MECOM: variants seen among roughly 807,000 people sequenced by gnomAD.
MECOM encodes MDS1 and EVI1 complex locus.
MECOM carries 13 observed loss-of-function variants against 116.3 expected under a neutral mutation model. The ratio of observed to expected loss-of-function variants is 0.11; its 90% confidence interval spans 0.07 to 0.18. The LOEUF (loss-of-function observed/expected upper bound fraction) is 0.18. MECOM is among the 10% of genes least tolerant of loss of function. The pLI is 1.00. For missense variants in MECOM, 1,299 were observed against 1,509.0 expected (o/e 0.86, Z 2.31); for synonymous variants, 528 against 535.2 (o/e 0.99, Z 0.19).
chr3:169,393,352 A>G (rs552299411), intron 1 of MECOM, among the ~76,000 whole-genome samples: 2 of 152,246 alleles, frequency 1.3e-5, no homozygotes, highest in Admixed American at 1.3e-4. Context: ...GGTGTCTTAC[A>G]CTACCCACCA....
At chr3:169,659,072 C>CAAAAAAA (rs199570807) in intron 1 of MECOM, among the ~76,000 whole-genome samples, 1 of 83,542 alleles carries the variant, frequency 1.2e-5, no homozygotes, top group East Asian at 3.6e-4. Flanking sequence ...CCTTCAACTC[C>CAAAAAAA]AAAAAAAAAA....
At chr3:169,104,029 T>C (rs1291134672) in intron 10 of MECOM, among the ~76,000 whole-genome samples, 1 of 152,194 alleles carries the variant, frequency 6.6e-6, no homozygotes, top group Non-Finnish European at 1.5e-5. Context: ...AAAGTCAAGA[T>C]ACATTTACTT....
At chr3:169,204,553 T>A (rs1749649189) in intron 2 of MECOM, among the ~76,000 whole-genome samples, 1 of 152,202 alleles carries the variant, frequency 6.6e-6, no homozygotes, top group Non-Finnish European at 1.5e-5. Context: ...TGTCTCTTAA[T>A]CTATAGTAGA....
intron 1 of MECOM, among the ~76,000 whole-genome samples, chr3:169,579,407 A>G (rs1764860847): frequency 6.6e-6 from 1 of 152,132 alleles, no homozygotes; most frequent in Non-Finnish European, 1.5e-5. Flanking sequence ...TTTAGGCCTC[A>G]TCTCATCTCT....
chr3:169,225,706 T>C (rs1002978602), intron 2 of MECOM, among the ~76,000 whole-genome samples: 1 of 152,150 alleles, frequency 6.6e-6, no homozygotes, highest in Non-Finnish European at 1.5e-5. Context: ...GCCTCCTGGG[T>C]TCAAGTGATT....
chr3:169,544,971 G>A (rs1046368217), intron 1 of MECOM, among the ~76,000 whole-genome samples: 11 of 151,984 alleles, frequency 7.2e-5, no homozygotes, highest in African/African-American at 2.7e-4. Context: ...AAACCACCAT[G>A]GCACATGTAT....
At position 169,214,932 on chromosome 3, in the gene MECOM, A is replaced by C. The variant is rs186546165; in HGVS notation, c.376-71100T>G. Among the ~76,000 whole-genome samples the C allele has an allele frequency of 3.4e-4, 51 of 148,578 alleles. No individual in the cohort carries two copies. The East Asian group carries it at 8.2e-3, about 24-fold the overall frequency. On this transcript the variant is annotated intron_variant, in intron 2 of 16. Coordinates refer to ENST00000651503, the MANE Select transcript of MECOM (RefSeq NM_004991.4). ...TAAATATATATACATATATATACAC[A>C]CATATATATAATGTGAATACCCTCT...
intron 1 of MECOM, among the ~76,000 whole-genome samples, chr3:169,475,933 A>G (rs1225145594): frequency 2.0e-5 from 3 of 152,218 alleles, no homozygotes; most frequent in African/African-American, 7.2e-5. Context: ...AAAGATAAAT[A>G]AAATGAAATG....
chr3:169,584,354 T>A (rs6444862), intron 1 of MECOM, among the ~76,000 whole-genome samples: 79,112 of 150,550 alleles, frequency 0.53, 21,450 homozygotes, highest in Admixed American at 0.6. Context: ...TCACGAGGTC[T>A]GGAGATAGAG....
intron 2 of MECOM, among the ~76,000 whole-genome samples, chr3:169,214,607 A>G (rs938944555): frequency 2.0e-5 from 3 of 151,774 alleles, no homozygotes; most frequent in African/African-American, 7.2e-5. Context: ...CTGTAAAGAA[A>G]GTAATTGACA....
intron 1 of MECOM, among the ~76,000 whole-genome samples, chr3:169,531,639 C>T (rs952752088): frequency 7.9e-5 from 12 of 152,150 alleles, no homozygotes; most frequent in Admixed American, 7.9e-4. Context: ...TCTACATCTG[C>T]CACCTCTCAT....
chr3:169,297,813 G>T (rs139155508), intron 2 of MECOM, among the ~76,000 whole-genome samples: 2 of 152,256 alleles, frequency 1.3e-5, no homozygotes, highest in Non-Finnish European at 2.9e-5. Context: ...AAACTTTCAG[G>T]AGAGTTTCAA....
At chr3:169,157,174 A>T (rs1006799318) in intron 2 of MECOM, among the ~76,000 whole-genome samples, 2 of 152,196 alleles carry the variant, frequency 1.3e-5, no homozygotes, top group Non-Finnish European at 2.9e-5. Flanking sequence ...AGTACACCTA[A>T]AAAGGTGTAT....
chr3:169,199,028 T>C (rs1216095609), intron 2 of MECOM, among the ~76,000 whole-genome samples: 1 of 152,056 alleles, frequency 6.6e-6, no homozygotes, highest in Non-Finnish European at 1.5e-5. Context: ...TTACTGAACA[T>C]TTATTGACAG....
At chr3:169,320,794 T>C (rs988222159) in intron 2 of MECOM, among the ~76,000 whole-genome samples, 1 of 152,230 alleles carries the variant, frequency 6.6e-6, no homozygotes, top group Non-Finnish European at 1.5e-5. Flanking sequence ...AGAGAACTGT[T>C]ATATTGTGTT....
rs79146606 is a variant in MECOM at position 169,245,625 on chromosome 3, C to A, written c.376-101793G>T. Among the ~76,000 whole-genome samples the A allele has an allele frequency of 5.3e-3, 813 of 152,236 alleles. 13 individuals carry two copies. Among genetic ancestry groups the A allele is most frequent in the African/African-American group, 0.019 (783 of 41,542 alleles). On this transcript the variant is annotated intron_variant, in intron 2 of 16. Coordinates refer to ENST00000651503, the MANE Select transcript of MECOM (RefSeq NM_004991.4). Reference sequence around the variant, plus strand: ...CAGACTTTTAGACCCTAGTGGAGAACAAAACTGAGAGGTCTTAGGAGAGAA... The same window carrying A: ...CAGACTTTTAGACCCTAGTGGAGAAAAAAACTGAGAGGTCTTAGGAGAGAA...
intron 1 of MECOM, among the ~76,000 whole-genome samples, chr3:169,569,719 C>A (rs1304811357): frequency 6.6e-6 from 1 of 152,066 alleles, no homozygotes; most frequent in East Asian, 1.9e-4. Flanking sequence ...ACAACCTGCT[C>A]CTGAAGGACA....
At chr3:169,536,628 G>T (rs1759399384) in intron 1 of MECOM, among the ~76,000 whole-genome samples, 1 of 151,988 alleles carries the variant, frequency 6.6e-6, no homozygotes, top group African/African-American at 2.4e-5. Flanking sequence ...AAACAAAGTA[G>T]CAGGACAACT....
intron 9 of MECOM, among the ~76,000 whole-genome samples, chr3:169,109,705 C>T (rs758178588): frequency 2.0e-5 from 3 of 152,162 alleles, no homozygotes; most frequent in Non-Finnish European, 4.4e-5. Flanking sequence ...CATGAGTCAC[C>T]GCACCCGGCC....
Sources: gnomAD v4.1 joint callset for allele counts (sites outside exome capture counted in the v4.1 genomes callset) on GRCh38, gnomAD v4.1.1 for gene constraint, MANE v1.5 for transcripts, NCBI Gene and HGNC (gene_info 2026-07-23, HGNC 2026-07-21) for gene names.